The following CARNMT1 variants were observed in gnomAD, a reference collection of about 807,000 sequenced individuals.
The protein encoded by CARNMT1 is carnosine N-methyltransferase 1.
A neutral mutation model predicts 49.6 loss-of-function variants in CARNMT1; 28 were observed. That is an observed-to-expected ratio of 0.56 (90% CI 0.42 to 0.77). CARNMT1 has a LOEUF of 0.77. Among genes scored for constraint, CARNMT1 ranks in the 30% least tolerant of loss-of-function variants. The pLI is 0.00. For synonymous variants in CARNMT1, 178 were observed against 175.0 expected, an observed-to-expected ratio of 1.02 and a Z score of -0.13; for missense variants, 421 against 512.6, an observed-to-expected ratio of 0.82 and a Z score of 1.73.
chr9:75,004,335 G>A (rs984110607), intron 3 of CARNMT1, among the ~76,000 whole-genome samples: 9 of 152,212 alleles, frequency 5.9e-5, no homozygotes, highest in Non-Finnish European at 7.4e-5. Context: ...GCATCTTAAC[G>A]TGGTTTTTAC....
chr9:75,028,372 G>T (rs1169687568), upstream of CARNMT1: 2 of 1,301,500 alleles, frequency 1.5e-6, no homozygotes, highest in Middle Eastern at 2.9e-4. Context: ...CTCCGCCCCC[G>T]CCACCCTCAG....
At chr9:75,027,135 A>T in intron 1 of CARNMT1, 5 of 1,303,362 alleles carry the variant, frequency 3.8e-6, no homozygotes, top group Non-Finnish European at 5.1e-6. Context: ...TTACGTGAAT[A>T]AAAGTGTTAT....
intron 3 of CARNMT1, among the ~76,000 whole-genome samples, chr9:75,003,257 G>A (rs1254713957): frequency 6.6e-6 from 1 of 152,042 alleles, no homozygotes; most frequent in Admixed American, 6.6e-5. Context: ...AATATCCCAG[G>A]CAAAGTTCCC....
chr9:75,008,193 A>AAG (rs1331025135), intron 3 of CARNMT1, among the ~76,000 whole-genome samples: 19 of 151,142 alleles, frequency 1.3e-4, no homozygotes, highest in Non-Finnish European at 2.7e-4. Flanking sequence ...AAAAAAAAAA[A>AAG]AAACCCTCAT....
chr9:75,016,632 G>T (rs1004605857), intron 2 of CARNMT1: 5 of 531,094 alleles, frequency 9.4e-6, no homozygotes, highest in African/African-American at 7.7e-5. Flanking sequence ...AAAAGATTAA[G>T]GTCCATTAAT....
intron 1 of CARNMT1, among the ~76,000 whole-genome samples, chr9:75,019,978 T>C (rs1822295323): frequency 6.6e-6 from 1 of 152,142 alleles, no homozygotes; most frequent in African/African-American, 2.4e-5. Context: ...TGCAGTAAAA[T>C]ACATAATGTA....
chr9:74,985,116 T>G (rs1000396034), intron 6 of CARNMT1, 106 bp from the exon 7 acceptor site: 3 of 841,268 alleles, frequency 3.6e-6, no homozygotes, highest in Non-Finnish European at 5.6e-6. Context: ...GAGACAAACA[T>G]AAAAAGTCTG....
At chr9:75,020,377 C>T (rs560991782) in intron 1 of CARNMT1, among the ~76,000 whole-genome samples, 53 of 150,586 alleles carry the variant, frequency 3.5e-4, no homozygotes, top group Admixed American at 1.6e-3. Flanking sequence ...AAGCGACTCT[C>T]CTGCCTCAGC....
At chr9:75,011,900 T>C (rs1362749798) in intron 3 of CARNMT1, among the ~76,000 whole-genome samples, 5 of 152,138 alleles carry the variant, frequency 3.3e-5, no homozygotes, top group African/African-American at 1.2e-4. Flanking sequence ...AAATGAAATA[T>C]GAGTGACAGA....
At position 74,999,801 on chromosome 9, in the gene CARNMT1, C is replaced by A. The variant is rs746179136; in HGVS notation, c.660G>T (p.Met220Ile). The A allele has an allele frequency of 1.4e-5, 23 of 1,612,576 alleles. No individual in the cohort carries two copies. Among genetic ancestry groups the A allele is most frequent in the African/African-American group, 4.0e-5 (3 of 74,868 alleles). Residue 220 changes from methionine (M) to isoleucine (I), a missense_variant, in exon 4 of 8, where the codon ATG (methionine) becomes ATT (isoleucine). Met to Ile is a conservative substitution (Grantham distance 10, BLOSUM62 1). This residue lies in a region of CARNMT1 where 235 missense variants were observed against 344.8 expected (regional missense o/e 0.68). Transcript: ENST00000376834. ...GLGRLAWEIA[M>I]LGYACQGNEW... ...CATTTCCTTGACAAGCATAACCTAG[C>A]ATAGCTATTTCCCAGGCCAGTCTTC...
At chr9:75,004,481 T>C (rs894895133) in intron 3 of CARNMT1, among the ~76,000 whole-genome samples, 14 of 152,186 alleles carry the variant, frequency 9.2e-5, no homozygotes, top group Non-Finnish European at 1.8e-4. Context: ...GCACTTGAAA[T>C]CTTGACTTGA....
At chr9:74,988,210 C>G (rs947966555) in intron 6 of CARNMT1, among the ~76,000 whole-genome samples, 1 of 152,096 alleles carries the variant, frequency 6.6e-6, no homozygotes, top group Non-Finnish European at 1.5e-5. Flanking sequence ...CAACACCACA[C>G]GCAGCTTTCT....
intron 1 of CARNMT1, among the ~76,000 whole-genome samples, chr9:75,019,805 C>T (rs1218936051): frequency 6.6e-6 from 1 of 152,194 alleles, no homozygotes; most frequent in Non-Finnish European, 1.5e-5. Flanking sequence ...AACCTGACCA[C>T]CTGGGGTGCA....
At chr9:75,027,511 G>A (rs1006268704) in intron 1 of CARNMT1, 1 of 981,018 alleles carries the variant, frequency 1.0e-6, no homozygotes, top group South Asian at 4.7e-5. Flanking sequence ...AAAGAGGGGT[G>A]GGTGGAAATC....
intron 3 of CARNMT1, among the ~76,000 whole-genome samples, chr9:75,012,603 T>A (rs1201321504): frequency 1.3e-5 from 2 of 152,066 alleles, no homozygotes; most frequent in Non-Finnish European, 2.9e-5. Context: ...GTTTTAAGAA[T>A]TTTTTAAAAA....
intron 6 of CARNMT1, among the ~76,000 whole-genome samples, chr9:74,989,211 C>T (rs1832944716): frequency 6.6e-6 from 1 of 152,042 alleles, no homozygotes; most frequent in Admixed American, 6.5e-5. Flanking sequence ...TTCTGGGCTC[C>T]AGTGATCCTC....
At chr9:75,009,910 G>T (rs929997986) in intron 3 of CARNMT1, 3 of 152,114 alleles carry the variant, frequency 2.0e-5, no homozygotes, top group African/African-American at 2.4e-5. Flanking sequence ...ATTAGGTAGG[G>T]ATTTTAAAAT....
intron 3 of CARNMT1, among the ~76,000 whole-genome samples, chr9:75,007,366 C>A: frequency 6.6e-6 from 1 of 152,084 alleles, no homozygotes. Context: ...ACATATATAT[C>A]ATCTCAACTG....
At chr9:75,027,339 G>T (rs923460063) in intron 1 of CARNMT1, 1 of 863,290 alleles carries the variant, frequency 1.2e-6, no homozygotes, top group Non-Finnish European at 1.4e-6. Context: ...CAGAAAAAAA[G>T]AACGTAAAGG....
Sources: allele counts gnomAD v4.1 joint callset (sites outside exome capture counted in the v4.1 genomes callset), GRCh38; gene constraint gnomAD v4.1.1; regional missense constraint gnomAD v4.1.1; transcripts MANE v1.5; gene names NCBI Gene and HGNC (gene_info 2026-07-23, HGNC 2026-07-21).